SETX: variants seen among roughly 807,000 people sequenced by gnomAD.
SETX encodes the protein senataxin.
In SETX, 90 loss-of-function variants were observed where a neutral mutation model predicts 227.2. The observed-to-expected ratio is 0.40, with a 90% CI of 0.33 to 0.47. SETX has a LOEUF of 0.47. SETX is among the 20% of genes least tolerant of loss of function. The probability of loss-of-function intolerance (pLI) is 0.91; values close to 1 mark genes in which losing one functional copy is unlikely to be tolerated. For missense variants in SETX, 3,052 were observed against 3,181.5 expected, an observed-to-expected ratio of 0.96 and a Z score of 0.98; for synonymous variants, 1,210 against 1,113.2, an observed-to-expected ratio of 1.09 and a Z score of -1.73.
intron 22 of SETX, 37 bp downstream of exon 22, chr9:132,277,023 G>A (rs373328087): frequency 7.2e-5 from 108 of 1,501,078 alleles, no homozygotes; most frequent in Non-Finnish European, 9.4e-5. Flanking sequence ...TAACAATTCT[G>A]GGACTATCAG....
chr9:132,304,300 A>C (rs1032736556), intron 11 of SETX, among the ~76,000 whole-genome samples: 8 of 152,308 alleles, frequency 5.3e-5, no homozygotes, highest in African/African-American at 1.9e-4. Flanking sequence ...CAAGAGAAGA[A>C]GGGAGAAGTA....
intron 10 of SETX, among the ~76,000 whole-genome samples, chr9:132,321,089 C>T (rs1846295879): frequency 6.6e-6 from 1 of 152,178 alleles, no homozygotes; most frequent in Non-Finnish European, 1.5e-5. Context: ...CTGAATGCTC[C>T]AACACCTCTC....
chr9:132,325,495 A>C (rs1016779807), intron 10 of SETX, among the ~76,000 whole-genome samples: 1 of 152,236 alleles, frequency 6.6e-6, no homozygotes, highest in African/African-American at 2.4e-5. Flanking sequence ...TCTCTTACTT[A>C]AAAACAAAAC....
rs145345675 is a variant in SETX, at chr9:132,264,553, C to T, written c.7720G>A (p.Glu2574Lys). Residue 2574 changes from glutamate to lysine, a missense_variant, in exon 26 of 26, where the codon GAG becomes AAG. Glu to Lys is a moderately conservative substitution (Grantham distance 56, BLOSUM62 1). This residue lies in a region of SETX where 294 missense variants were observed against 278.8 expected (regional missense o/e 1.05). Transcript: ENST00000224140. ...QHPGATPPTG[E>K]PGFPVVHQDL... is the part of the protein sequence containing the mutation. ...TGGTGAACGACAGGGAAGCCCGGCT[C>T]GCCCGTAGGAGGTGTTGCTCCAGGA... The T allele has an allele frequency of 6.8e-6, 11 of 1,614,046 alleles. No individual in the cohort carries two copies. The highest frequency in any genetic ancestry group is 6.7e-5 in the East Asian group (3 of 44,874).
intron 25 of SETX, among the ~76,000 whole-genome samples, chr9:132,266,729 GC>G (rs1447748207): frequency 6.6e-6 from 1 of 152,128 alleles, no homozygotes; most frequent in East Asian, 1.9e-4. Flanking sequence ...CTGAGATTGT[GC>G]CACTGCACTC....
chr9:132,281,930 G>A (rs1294295553), intron 19 of SETX, among the ~76,000 whole-genome samples: 1 of 150,620 alleles, frequency 6.6e-6, no homozygotes, highest in African/African-American at 2.4e-5. Context: ...GCTGAGGCAG[G>A]AGAACTGCTT....
Position 132,354,568 on chromosome 9 carries a change from G to A in SETX, c.-115+349C>T, listed in dbSNP as rs1848799893. 2.0e-5 allele frequency among the ~76,000 whole-genome samples: 3 copies of A among 151,834 alleles called. No homozygotes were observed. In the South Asian group the frequency reaches 6.3e-4, roughly 32 times the overall value. ...CCAGGCGAGAGGCAGACGAGCGTGT[G>A]GAGGGAACCGACACTTTCCACCCCG... On this transcript the variant is annotated intron_variant, in intron 1 of 25. Coordinates refer to ENST00000224140, the MANE Select transcript of SETX (RefSeq NM_015046.7).
intron 19 of SETX, 78 bp downstream of exon 19, chr9:132,283,186 C>T: frequency 1.3e-6 from 2 of 1,523,548 alleles, no homozygotes; most frequent in Non-Finnish European, 1.8e-6. Flanking sequence ...ATTTCCTCAA[C>T]ATTTCAGCAG....
At position 132,264,264 on chromosome 9, in the gene SETX, C is replaced by A; in HGVS notation, c.8009G>T (p.Ser2670Ile). ...CTATAAAAGCTTTCTTTTCTTGGAA[C>A]TGCTGTCCTCCTGCTCCAGTGTCCT... ...DKRTLEQEDS[S>I]SKKRKLL The change falls in exon 26 of 26, where the codon AGT becomes ATT. Residue 2670 changes from serine (S) to isoleucine (I), a missense_variant. This residue lies in a region of SETX where 294 missense variants were observed against 278.8 expected (regional missense o/e 1.05). Transcript: ENST00000224140. 2 of 1,614,208 alleles carry A rather than the reference C, an allele frequency of 1.2e-6. No individual in the cohort carries two copies. The highest frequency in any genetic ancestry group is 2.2e-5 in the East Asian group (1 of 44,890).
rs1304622045 is a variant in SETX at position 132,353,658 on chromosome 9, T to C, written c.-17A>G. On this transcript the variant is annotated 5_prime_UTR_variant, in exon 2 of 26. Coordinates refer to ENST00000224140, the MANE Select transcript of SETX (RefSeq NM_015046.7). ...AAAAAAAAATTATTACCTGGACAAA[T>C]GGCCTACAGAAAAGTGATCGTCTCA... 6.6e-6 allele frequency: 1 copy of C among 151,840 alleles called. No homozygotes were observed. The highest frequency in any genetic ancestry group is 2.4e-5 in the African/African-American group (1 of 41,324). 9.4% of individuals were successfully genotyped at this position (151,840 alleles called of 1,614,324 possible). A position where few individuals can be genotyped will look rare whatever the true frequency, so the allele number is the denominator to read the frequency against.
intron 15 of SETX, among the ~76,000 whole-genome samples, chr9:132,293,357 T>C (rs1589661452): frequency 6.6e-6 from 1 of 152,208 alleles, no homozygotes; most frequent in South Asian, 2.1e-4. Flanking sequence ...CAGGAAATAG[T>C]GAAAATGAAA....
chr9:132,314,238 G>A lies in SETX; in HGVS notation c.5275-2382C>T, dbSNP rs7859692. Among the ~76,000 whole-genome samples the A allele has an allele frequency of 3.7e-3, 557 of 152,092 alleles. 4 individuals carry two copies. Among genetic ancestry groups the A allele is most frequent in the African/African-American group, 0.013 (531 of 41,494 alleles). ...CTCCCAAGTAGCTGGGATTACAGGC[G>A]CCCACCACCACGCCTGGCTAATTTT... On this transcript the variant is annotated intron_variant, in intron 10 of 25. Transcript: ENST00000224140.
intron 10 of SETX, among the ~76,000 whole-genome samples, chr9:132,320,040 G>A (rs1288496858): frequency 6.6e-6 from 1 of 152,018 alleles, no homozygotes; most frequent in Non-Finnish European, 1.5e-5. Flanking sequence ...GCAAAACAGT[G>A]CACATGTATC....
intron 10 of SETX, among the ~76,000 whole-genome samples, chr9:132,322,197 T>C (rs1846405919): frequency 1.3e-5 from 2 of 152,322 alleles, no homozygotes; most frequent in Non-Finnish European, 2.9e-5. Context: ...TTATTCTCTT[T>C]TTAAAGTAAT....
intron 17 of SETX, 27 bp downstream of exon 17, chr9:132,288,209 G>T: frequency 6.3e-7 from 1 of 1,575,236 alleles, no homozygotes; most frequent in Non-Finnish European, 8.7e-7. Flanking sequence ...GTATACCTGA[G>T]TTATTATTCA....
rs776432277 is a variant in SETX at position 132,329,482 on chromosome 9, T to G, written c.2116A>C (p.Lys706Gln). The change falls in exon 10 of 26, where the codon AAA (lysine) becomes CAA (glutamine). Residue 706 changes from lysine (K) to glutamine (Q), a missense_variant. Coordinates refer to ENST00000224140, the MANE Select transcript of SETX (RefSeq NM_015046.7). ...GACTTCTGCTTCCTTGTACTTATTT[T>G]AATTTGATCTTCAGCTCTTTCAGTA... is the stretch of plus-strand genomic sequence containing the variant. The part of the protein sequence containing the change: ...IFTERAEDQI[K>Q]ISTRKQKSVK... The G allele has an allele frequency of 6.2e-7, 1 of 1,612,442 alleles. No individual in the cohort carries two copies. The highest frequency in any genetic ancestry group is 1.3e-5 in the African/African-American group (1 of 74,830).
Position 132,331,159 on chromosome 9 carries a change from T to C in SETX, c.1011-20A>G, listed in dbSNP as rs773643890. 1.4e-5 allele frequency: 23 copies of C among 1,609,512 alleles called. No individual in the cohort carries two copies. In the East Asian group the frequency reaches 4.7e-4, roughly 33 times the overall value. On this transcript the variant is annotated intron_variant, in intron 8 of 25. Coordinates refer to ENST00000224140, the MANE Select transcript of SETX (RefSeq NM_015046.7). ...TTGGTCCTTAAATATTAAGAATAAATAGAAATTACTGAAACGAAGGGGGAA... is the reference window on the plus strand; with the variant it reads ...TTGGTCCTTAAATATTAAGAATAAACAGAAATTACTGAAACGAAGGGGGAA...
intron 11 of SETX, among the ~76,000 whole-genome samples, chr9:132,301,679 C>T (rs2131310524): frequency 6.6e-6 from 1 of 152,292 alleles, no homozygotes; most frequent in African/African-American, 2.4e-5. Context: ...CGCCTAGGTT[C>T]CTCTAAGTAC....
upstream of SETX, among the ~76,000 whole-genome samples, chr9:132,356,589 CA>C (rs1199513236): frequency 6.6e-6 from 1 of 152,090 alleles, no homozygotes; most frequent in African/African-American, 2.4e-5. Flanking sequence ...GGAAATTAAA[CA>C]ATTAGTAGTG....
Sources: gnomAD v4.1 joint callset for allele counts (sites outside exome capture counted in the v4.1 genomes callset) on GRCh38, gnomAD v4.1.1 for gene constraint, gnomAD v4.1.1 regional missense constraint, MANE v1.5 for transcripts, NCBI Gene and HGNC (gene_info 2026-07-23, HGNC 2026-07-21) for gene names.